The following RBKS variants were observed in gnomAD, a reference collection of about 807,000 sequenced individuals.
The protein encoded by RBKS is ribokinase.
Under a neutral mutation model 33.9 loss-of-function variants are expected in RBKS, and 33 were observed. The observed-to-expected ratio is 0.97, with a 90% CI of 0.74 to 1.30. RBKS has a LOEUF of 1.30. Ranked by LOEUF, RBKS falls within the 50% of genes most tolerant of loss-of-function variation. The pLI is 0.00. For synonymous variants in RBKS, 125 were observed against 143.0 expected (o/e 0.87, Z 0.90); for missense variants, 361 against 392.6 (o/e 0.92, Z 0.68).
chr2:27,880,383 C>CA (rs1005340362), intron 1 of RBKS, among the ~76,000 whole-genome samples: 113 of 152,272 alleles, frequency 7.4e-4, no homozygotes, highest in African/African-American at 2.6e-3. Flanking sequence ...TGCCTCCTCT[C>CA]ACCACTCCTA....
intron 7 of RBKS, among the ~76,000 whole-genome samples, chr2:27,812,264 C>G (rs369179413): frequency 6.6e-6 from 1 of 151,800 alleles, no homozygotes; most frequent in South Asian, 2.1e-4. Context: ...GTTGGTGGGA[C>G]TGTAAACTAG....
chr2:27,785,819 A>G (rs1677387918), intron 7 of RBKS, among the ~76,000 whole-genome samples: 1 of 152,192 alleles, frequency 6.6e-6, no homozygotes, highest in East Asian at 1.9e-4. Context: ...AACAATTTCA[A>G]TCCTGCTCCT....
chr2:27,860,533 G>A (rs967853954), intron 1 of RBKS, among the ~76,000 whole-genome samples: 3 of 152,162 alleles, frequency 2.0e-5, no homozygotes, highest in African/African-American at 7.2e-5. Flanking sequence ...TTTGAATCAA[G>A]TGTAATTTTT....
At chr2:27,809,046 G>A (rs1222868173) in intron 7 of RBKS, among the ~76,000 whole-genome samples, 3 of 152,236 alleles carry the variant, frequency 2.0e-5, no homozygotes, top group Non-Finnish European at 4.4e-5. Context: ...TGTAAAAATT[G>A]TCCCTGAGTC....
chr2:27,830,077 C>T (rs1020786343), intron 6 of RBKS, among the ~76,000 whole-genome samples: 1 of 152,112 alleles, frequency 6.6e-6, no homozygotes, highest in Non-Finnish European at 1.5e-5. Flanking sequence ...ATATCAAGGG[C>T]TGAATGCTCT....
intron 2 of RBKS, 146 bp downstream of exon 2, chr2:27,858,293 G>T: frequency 1.5e-6 from 1 of 652,460 alleles, no homozygotes; most frequent in East Asian, 2.9e-5. Context: ...CAGAAGTGGT[G>T]GTTGAATGTA....
intron 2 of RBKS, among the ~76,000 whole-genome samples, chr2:27,858,107 C>T (rs1375568773): frequency 1.3e-5 from 2 of 152,106 alleles, no homozygotes; most frequent in Non-Finnish European, 2.9e-5. Flanking sequence ...AAGCCAGGTA[C>T]AAAATGTCAC....
At chr2:27,840,378 A>G (rs954128780) in intron 5 of RBKS, among the ~76,000 whole-genome samples, 21 of 150,676 alleles carry the variant, frequency 1.4e-4, no homozygotes, top group African/African-American at 4.9e-4. Flanking sequence ...ACACACACAC[A>G]CACACACACA....
chr2:27,843,127 G>C lies in RBKS; in HGVS notation c.454C>G (p.Gln152Glu), dbSNP rs1306986902. ...VISRAKVMVC[Q>E]LEITPATSLE... ...GAAGTTGCTGGAGTTATTTCGAGCT[G>C]GCAGACCATGACTTTGGCTCTGCTA... The change falls in exon 5 of 8, where the codon CAG (glutamine) becomes GAG (glutamate). Residue 152 changes from glutamine to glutamate, a missense_variant. Transcript: ENST00000302188. 6.2e-7 allele frequency: 1 copy of C among 1,611,060 alleles called. No homozygotes were observed. Among genetic ancestry groups the C allele is most frequent in the African/African-American group, 1.3e-5 (1 of 74,780 alleles).
intron 1 of RBKS, among the ~76,000 whole-genome samples, chr2:27,867,593 A>G (rs1664126816): frequency 6.6e-6 from 1 of 152,208 alleles, no homozygotes; most frequent in Admixed American, 6.5e-5. Flanking sequence ...CTTATCACTC[A>G]AAATATTAAA....
chr2:27,859,526 A>G (rs963371447), intron 1 of RBKS, among the ~76,000 whole-genome samples: 1 of 152,184 alleles, frequency 6.6e-6, no homozygotes, highest in Admixed American at 6.5e-5. Context: ...GGTGTGAGGA[A>G]ATAAAATATT....
chr2:27,812,597 TATCGCAAGGACAAAAA>T (rs1678006791), intron 7 of RBKS, among the ~76,000 whole-genome samples: 1 of 152,162 alleles, frequency 6.6e-6, no homozygotes, highest in Non-Finnish European at 1.5e-5. Context: ...CTCAGCAAAC[TATCGCAAGGACAAAAA>T]ACCAAACACC....
At chr2:27,815,462 G>C (rs914177862) in intron 7 of RBKS, among the ~76,000 whole-genome samples, 1 of 152,108 alleles carries the variant, frequency 6.6e-6, no homozygotes, top group Non-Finnish European at 1.5e-5. Context: ...CTCCCAAAGT[G>C]CTGGGATTAC....
chr2:27,813,616 A>C (rs988704306), intron 7 of RBKS, among the ~76,000 whole-genome samples: 3 of 152,108 alleles, frequency 2.0e-5, no homozygotes, highest in Non-Finnish European at 2.9e-5. Context: ...CAAAATTTAA[A>C]AGACATGAAG....
At chr2:27,868,654 G>A (rs1664146266) in intron 1 of RBKS, among the ~76,000 whole-genome samples, 2 of 151,720 alleles carry the variant, frequency 1.3e-5, no homozygotes, top group South Asian at 2.1e-4. Flanking sequence ...TGTTTTGAGT[G>A]TGTCACTAGG....
At chr2:27,851,620 C>A (rs1035053840) in intron 2 of RBKS, among the ~76,000 whole-genome samples, 1 of 152,068 alleles carries the variant, frequency 6.6e-6, no homozygotes, top group Non-Finnish European at 1.5e-5. Flanking sequence ...CTCACTGCAA[C>A]CTCTGCCTCT....
At chr2:27,817,009 T>C (rs1460302318) in intron 7 of RBKS, among the ~76,000 whole-genome samples, 1 of 152,238 alleles carries the variant, frequency 6.6e-6, no homozygotes, top group Non-Finnish European at 1.5e-5. Flanking sequence ...AATGTAGAAC[T>C]TAAGGAATGT....
At chr2:27,878,152 G>C (rs965673027) in intron 1 of RBKS, among the ~76,000 whole-genome samples, 46 of 151,694 alleles carry the variant, frequency 3.0e-4, no homozygotes, top group East Asian at 7.8e-4. Context: ...TTTAGCATTA[G>C]GTATATCTCC....
At chr2:27,800,703 T>C (rs1677759293) in intron 7 of RBKS, among the ~76,000 whole-genome samples, 1 of 152,042 alleles carries the variant, frequency 6.6e-6, no homozygotes, top group Admixed American at 6.5e-5. Flanking sequence ...CATAGGATTG[T>C]GAGACAAGGG....
Sources: allele counts gnomAD v4.1 joint callset (sites outside exome capture counted in the v4.1 genomes callset), GRCh38; gene constraint gnomAD v4.1.1; transcripts MANE v1.5; gene names NCBI Gene and HGNC (gene_info 2026-07-23, HGNC 2026-07-21).